DNAAF3: variants seen among roughly 807,000 people sequenced by gnomAD.
DNAAF3 encodes UPF0470 protein C19orf51.
In DNAAF3, 40 loss-of-function variants were observed where a neutral mutation model predicts 50.9. The observed-to-expected ratio is 0.79, with a 90% CI of 0.61 to 1.02. The LOEUF (loss-of-function observed/expected upper bound fraction) is 1.02, where lower values mean the gene tolerates loss of function less well. Among genes scored for constraint, DNAAF3 ranks in the 50% least tolerant of loss-of-function variants. The pLI, the probability that DNAAF3 is intolerant of heterozygous loss-of-function variation, is 0.00. For missense variants in DNAAF3, 763 were observed against 744.7 expected (o/e 1.02, Z -0.29); for synonymous variants, 327 against 322.8 (o/e 1.01, Z -0.14).
At position 55,161,413 on chromosome 19, in the gene DNAAF3, T is replaced by A; in HGVS notation, c.669A>T (p.Gln223His). ...GTCGGAACTCCTGGGGGTGAATGAC[T>A]TGAGCCTGGGGTGGGGGGCGGGAAG... ...LRMKLHDRGA[Q>H]VIHPQEFRRW... Residue 223 changes from glutamine to histidine, a missense_variant, in exon 7 of 12, where the codon CAA becomes CAT. Coordinates refer to ENST00000524407, the MANE Select transcript of DNAAF3 (RefSeq NM_001256715.2). The surrounding 1 kb of genome is among the most constrained non-coding windows in gnomAD (Gnocchi z 6.4). The A allele has an allele frequency of 1.9e-6, 1 of 531,788 alleles. No individual in the cohort carries two copies. Among genetic ancestry groups the A allele is most frequent in the Non-Finnish European group, 3.4e-6 (1 of 297,266 alleles). The allele number at this position is 531,788 out of a possible 1,614,324, so 32.9% of individuals were successfully genotyped here.
rs1413326595 is a variant in DNAAF3, at chr19:55,160,406, G to T, written c.1048+234C>A. 6.6e-6 allele frequency among the ~76,000 whole-genome samples: 1 copy of T among 152,196 alleles called. No homozygotes were observed. The highest frequency in any genetic ancestry group is 1.5e-5 in the Non-Finnish European group (1 of 68,024). ...GGAGCTGGGACCCAGCACCCTGTGA[G>T]AATATTCTTGGATAGCTTAGCCCTC... On this transcript the variant is annotated intron_variant, in intron 9 of 11. Coordinates refer to ENST00000524407, the MANE Select transcript of DNAAF3 (RefSeq NM_001256715.2). This position sits in a 1 kb window ranked among gnomAD's most constrained non-coding sequence, Gnocchi z 4.7.
chr19:55,159,869 C>T, intron 10 of DNAAF3, 30 bp downstream of exon 10: 1 of 1,609,408 alleles, frequency 6.2e-7, no homozygotes, highest in Non-Finnish European at 8.5e-7. Context: ...GATCCTGGGT[C>T]TTTGTGAGCA....
chr19:55,164,339 G>A (rs1194560290), intron 4 of DNAAF3, among the ~76,000 whole-genome samples: 5 of 152,010 alleles, frequency 3.3e-5, no homozygotes, highest in African/African-American at 4.8e-5. Flanking sequence ...AACCTTAGCC[G>A]GGCATGGTGG....
upstream of DNAAF3, chr19:55,166,658 G>T (rs879933580): frequency 1.9e-6 from 3 of 1,607,816 alleles, no homozygotes; most frequent in South Asian, 1.1e-5. This position sits in a 1 kb window ranked among gnomAD's most constrained non-coding sequence, Gnocchi z 4.0. Context: ...TGTGGGATGG[G>T]ACCACAGCGA....
chr19:55,163,484 G>T (rs931873836), intron 4 of DNAAF3, among the ~76,000 whole-genome samples: 2 of 151,842 alleles, frequency 1.3e-5, no homozygotes, highest in Non-Finnish European at 2.9e-5. Flanking sequence ...TAGAGACGGG[G>T]TCTCACTATG....
chr19:55,161,383 C>T lies in DNAAF3; in HGVS notation c.699G>A (p.Trp233Ter), dbSNP rs1390178180. The T allele has an allele frequency of 1.2e-6, 2 of 1,603,856 alleles. No individual in the cohort carries two copies. Among genetic ancestry groups the T allele is most frequent in the Non-Finnish European group, 1.7e-6 (2 of 1,175,464 alleles). ...GTTCAAAGGCGACGCCTGTGTCCCG[C>T]CAGCGTCGGAACTCCTGGGGGTGAA... Reference protein sequence around the residue: ...QVIHPQEFRRWRDTGVAFELR... With the variant: ...QVIHPQEFRR Residue 233 changes from tryptophan (W) to a stop codon, truncating the protein, a stop_gained, in exon 7 of 12, where the codon TGG becomes TGA. Transcript: ENST00000524407. LOFTEE classifies it high-confidence loss of function. This position sits in a 1 kb window ranked among gnomAD's most constrained non-coding sequence, Gnocchi z 6.4.
chr19:55,162,006 G>T, intron 5 of DNAAF3, 127 bp downstream of exon 5: 1 of 1,338,160 alleles, frequency 7.5e-7, no homozygotes, highest in South Asian at 1.8e-5. Context: ...TCCCACAGTG[G>T]GAGTCGGGGA....
rs571484298 is a variant in DNAAF3 at position 55,161,320 on chromosome 19, G to C, written c.762C>G (p.Thr254=). ...DSSAYHVPNR[T]LASGRLLSYR... is the part of the protein sequence containing the mutation. ...AGCTCAGGAGGCGACCGGACGCCAG[G>C]GTCCGGTTGGGCACATGATAGGCGC... Residue 254 remains threonine (T), a synonymous_variant, in exon 7 of 12, where the codon ACC becomes ACG. Transcript: ENST00000524407. This position sits in a 1 kb window ranked among gnomAD's most constrained non-coding sequence, Gnocchi z 6.4. The C allele has an allele frequency of 1.2e-6, 2 of 1,611,084 alleles. No homozygotes were observed. The highest frequency in any genetic ancestry group is 4.5e-5 in the East Asian group (2 of 44,734).
At position 55,166,593 on chromosome 19, in the gene DNAAF3, C is replaced by G. The variant is rs537597795; in HGVS notation, c.-75G>C. 9.9e-6 allele frequency: 16 copies of G among 1,614,196 alleles called. No homozygotes were observed. In the South Asian group the frequency reaches 1.5e-4, roughly 16 times the overall value. ...TGCAGCACTGTGGACCCGCGGCACTCCACAACCGCTGCCCAGAGTCCCCGC... is the reference window on the plus strand; with the variant it reads ...TGCAGCACTGTGGACCCGCGGCACTGCACAACCGCTGCCCAGAGTCCCCGC... On this transcript the variant is annotated 5_prime_UTR_variant, in exon 1 of 12. Coordinates refer to ENST00000524407, the MANE Select transcript of DNAAF3 (RefSeq NM_001256715.2). The surrounding 1 kb of genome is among the most constrained non-coding windows in gnomAD (Gnocchi z 4.0).
At position 55,165,996 on chromosome 19, in the gene DNAAF3, A is replaced by T; in HGVS notation, c.90T>A (p.Pro30=). 1.2e-6 allele frequency: 2 copies of T among 1,614,212 alleles called. No individual in the cohort carries two copies. The highest frequency in any genetic ancestry group is 1.7e-6 in the Non-Finnish European group (2 of 1,180,048). ...SPALDLQAES[P]PVDPDSQADT... is the part of the protein sequence containing the mutation. ...CGGCCTGGGAGTCTGGGTCCACAGG[A>T]GGACCTGGCAAGATGACAGCTGGCT... Residue 30 remains proline, a synonymous_variant, in exon 3 of 12, where the codon CCT becomes CCA. Transcript: ENST00000524407.
rs1372343156 is a variant in DNAAF3, at chr19:55,165,998, G to C, written c.88C>G (p.Pro30Ala). ...GCCTGGGAGTCTGGGTCCACAGGAG[G>C]ACCTGGCAAGATGACAGCTGGCTGG... Reference protein sequence around the residue: ...SPALDLQAESPPVDPDSQADT... With the variant: ...SPALDLQAESAPVDPDSQADT... The change falls in exon 3 of 12, where the codon CCT becomes GCT. Residue 30 changes from proline (P) to alanine (A), a missense_variant and splice_region_variant. Pro to Ala is a conservative substitution (Grantham distance 27). Transcript: ENST00000524407. The C allele has an allele frequency of 6.2e-7, 1 of 1,614,130 alleles. No homozygotes were observed. Among genetic ancestry groups the C allele is most frequent in the Non-Finnish European group, 8.5e-7 (1 of 1,180,058 alleles).
In DNAAF3 at chr19:55,166,400, G is replaced by A; in HGVS notation, c.14C>T (p.Ala5Val). MTTP[A>V]GSGSGFGSVS... ...GGAGCCGAAGCCGCTGCCGGAGCCGGCAGGTGTGGTCATCACCCTGCGGAA... is the reference window on the plus strand; with the variant it reads ...GGAGCCGAAGCCGCTGCCGGAGCCGACAGGTGTGGTCATCACCCTGCGGAA... Residue 5 changes from alanine (A) to valine (V), a missense_variant, in exon 2 of 12, where the codon GCC becomes GTC. Coordinates refer to ENST00000524407, the MANE Select transcript of DNAAF3 (RefSeq NM_001256715.2). This position sits in a 1 kb window ranked among gnomAD's most constrained non-coding sequence, Gnocchi z 4.0. 5.6e-6 allele frequency: 9 copies of A among 1,613,880 alleles called. No individual in the cohort carries two copies. The highest frequency in any genetic ancestry group is 5.9e-6 in the Non-Finnish European group (7 of 1,179,918).
rs892935442 is a variant in DNAAF3 at position 55,161,121 on chromosome 19, C to T, written c.856G>A (p.Gly286Ser). 3 of 1,547,186 alleles carry T rather than the reference C, an allele frequency of 1.9e-6. No individual in the cohort carries two copies. The African/African-American group carries it at 4.1e-5, about 21-fold the overall frequency. ...AGGCTCTCGTCGTCCGCTTCGATGCCGAAGGCCACGAAGGGCCCCGTGGCG... is the reference window on the plus strand; with the variant it reads ...AGGCTCTCGTCGTCCGCTTCGATGCTGAAGGCCACGAAGGGCCCCGTGGCG... ...DIATGPFVAF[G>S]IEADDESLLR... The change falls in exon 8 of 12, where the codon GGC (glycine) becomes AGC (serine). Residue 286 changes from glycine to serine, a missense_variant. Gly to Ser is a moderately conservative substitution (Grantham distance 56, BLOSUM62 0). Transcript: ENST00000524407. This position sits in a 1 kb window ranked among gnomAD's most constrained non-coding sequence, Gnocchi z 6.4.
At position 55,160,717 on chromosome 19, in the gene DNAAF3, C is replaced by T; in HGVS notation, c.971G>A (p.Trp324Ter). 1.2e-6 allele frequency: 2 copies of T among 1,613,270 alleles called. No homozygotes were observed. Among genetic ancestry groups the T allele is most frequent in the Non-Finnish European group, 1.7e-6 (2 of 1,179,902 alleles). ...CCCCCCGGTGGCTCTCGCGCGCCCC[C>T]AGGCGGCCACGTCGCGGAGCAGCTC... ...VTELLRDVAA[W>*]GRARATGGDL... Residue 324 changes from tryptophan (W) to a stop codon, truncating the protein, a stop_gained, in exon 9 of 12, where the codon TGG becomes TAG. Transcript: ENST00000524407. LOFTEE classifies it high-confidence loss of function. The surrounding 1 kb of genome is among the most constrained non-coding windows in gnomAD (Gnocchi z 4.7).
Position 55,160,330 on chromosome 19 carries a change from G to A in DNAAF3, c.1048+310C>T, listed in dbSNP as rs997867427. 6.6e-6 allele frequency among the ~76,000 whole-genome samples: 1 copy of A among 152,136 alleles called. No homozygotes were observed. The highest frequency in any genetic ancestry group is 1.5e-5 in the Non-Finnish European group (1 of 68,018). ...CGCAGGGAGGGCCAGGTTGGAGGAT[G>A]GCTGGAAGGAGGCCCAGCCAGGATC... is the stretch of plus-strand genomic sequence containing the variant. On this transcript the variant is annotated intron_variant, in intron 9 of 11. Transcript: ENST00000524407. This position sits in a 1 kb window ranked among gnomAD's most constrained non-coding sequence, Gnocchi z 4.7.
chr19:55,165,515 T>C (rs780405662), intron 3 of DNAAF3, 52 bp from the exon 4 acceptor site: 2 of 1,579,958 alleles, frequency 1.3e-6, no homozygotes, highest in Non-Finnish European at 1.7e-6. Context: ...GCCTGGGTCC[T>C]AGGAGACCCA....
chr19:55,161,434 G>C lies in DNAAF3; in HGVS notation c.664-16C>G. The C allele has an allele frequency of 1.8e-6, 1 of 561,762 alleles. No homozygotes were observed. Among genetic ancestry groups the C allele is most frequent in the Non-Finnish European group, 3.1e-6 (1 of 319,186 alleles). The allele number at this position is 561,762 out of a possible 1,614,324, so 34.8% of individuals were successfully genotyped here. Reference sequence around the variant, plus strand: ...TGACTTGAGCCTGGGGTGGGGGGCGGGAAGAAGGGAGCCCTCAGTGAACCG... The same window carrying C: ...TGACTTGAGCCTGGGGTGGGGGGCGCGAAGAAGGGAGCCCTCAGTGAACCG... On this transcript the variant is annotated splice_polypyrimidine_tract_variant and intron_variant, in intron 6 of 11. Transcript: ENST00000524407. The surrounding 1 kb of genome is among the most constrained non-coding windows in gnomAD (Gnocchi z 6.4).
chr19:55,159,026 T>G lies in DNAAF3; in HGVS notation c.*36A>C, dbSNP rs767076467. The G allele has an allele frequency of 6.5e-7, 1 of 1,532,826 alleles. No individual in the cohort carries two copies. The allele number at this position is 1,532,826 out of a possible 1,614,324, so 95.0% of individuals were successfully genotyped here. A position where few individuals can be genotyped will look rare whatever the true frequency, so the allele number is the denominator to read the frequency against. On this transcript the variant is annotated 3_prime_UTR_variant, in exon 12 of 12. Transcript: ENST00000524407. Reference sequence around the variant, plus strand: ...CGGGTTCTCATCCTACAACCTGACTTTGGAAGTTGGAGATAAGGGGTGTCT... The same window carrying G: ...CGGGTTCTCATCCTACAACCTGACTGTGGAAGTTGGAGATAAGGGGTGTCT...
Position 55,159,827 on chromosome 19 carries a change from C to T in DNAAF3, c.1163+72G>A. On this transcript the variant is annotated intron_variant, in intron 10 of 11. Coordinates refer to ENST00000524407, the MANE Select transcript of DNAAF3 (RefSeq NM_001256715.2). The stretch of plus-strand genomic sequence containing the variant: ...CAAGGAGGGGCTGGGGGCCTGGACT[C>T]CTGGGTCTGAGGGAGGAGGGGCTGG... 2.7e-6 allele frequency: 4 copies of T among 1,493,804 alleles called. No individual in the cohort carries two copies. The South Asian group carries it at 4.9e-5, about 18-fold the overall frequency. The allele number at this position is 1,493,804 out of a possible 1,614,324, so 92.5% of individuals were successfully genotyped here.
Sources: allele counts gnomAD v4.1 joint callset (sites outside exome capture counted in the v4.1 genomes callset), GRCh38; gene constraint gnomAD v4.1.1; non-coding constraint Gnocchi (gnomAD v3.1); transcripts MANE v1.5; gene names NCBI Gene and HGNC (gene_info 2026-07-23, HGNC 2026-07-21).